PTPN11: variants seen among roughly 807,000 people sequenced by gnomAD.
The protein encoded by PTPN11 is tyrosine-protein phosphatase non-receptor type 11.
PTPN11 carries 6 observed loss-of-function variants against 78.8 expected under a neutral mutation model. The ratio of observed to expected loss-of-function variants is 0.08; its 90% CI spans 0.04 to 0.15. The LOEUF is 0.15. PTPN11 is among the 10% of genes least tolerant of loss of function. PTPN11 has a pLI of 1.00. For missense variants in PTPN11, 386 were observed against 744.8 expected (o/e 0.52, Z 5.61); for synonymous variants, 221 against 263.5 (o/e 0.84, Z 1.56).
intron 1 of PTPN11, among the ~76,000 whole-genome samples, chr12:112,432,305 A>G (rs933121179): frequency 6.6e-6 from 1 of 152,190 alleles, no homozygotes; most frequent in Non-Finnish European, 1.5e-5. Context: ...AAAAAATTAT[A>G]TATAGTCATT....
At chr12:112,434,799 T>G (rs1301886922) in intron 1 of PTPN11, among the ~76,000 whole-genome samples, 1 of 152,058 alleles carries the variant, frequency 6.6e-6, no homozygotes, top group Non-Finnish European at 1.5e-5. Context: ...TTTGTTTGTT[T>G]TTTTTGAGAC....
chr12:112,444,679 A>G (rs74374761), intron 1 of PTPN11, among the ~76,000 whole-genome samples: 1 of 152,178 alleles, frequency 6.6e-6, no homozygotes, highest in Non-Finnish European at 1.5e-5. Flanking sequence ...AGTTAAAAAA[A>G]TAGGAAACTA....
intron 12 of PTPN11, 125 bp from the exon 13 acceptor site, chr12:112,488,899 C>A: frequency 7.4e-7 from 1 of 1,344,330 alleles, no homozygotes; most frequent in Admixed American, 1.9e-5. Context: ...GCCATTGCAA[C>A]ATGCTCAGTT....
chr12:112,425,358 T>C (rs1359385585), intron 1 of PTPN11, among the ~76,000 whole-genome samples: 1 of 152,150 alleles, frequency 6.6e-6, no homozygotes, highest in East Asian at 1.9e-4. Flanking sequence ...TTGATGCCTT[T>C]TTTTTCAGCA....
chr12:112,452,975 CATT>C (rs981551011), intron 3 of PTPN11, among the ~76,000 whole-genome samples: 3 of 152,078 alleles, frequency 2.0e-5, no homozygotes, highest in Non-Finnish European at 4.4e-5. Flanking sequence ...ACTGTGGACT[CATT>C]TAAGAAGTTT....
chr12:112,448,600 A>C (rs1424836889), intron 2 of PTPN11, among the ~76,000 whole-genome samples: 4 of 152,130 alleles, frequency 2.6e-5, no homozygotes, highest in Admixed American at 6.6e-5. Context: ...TAGAACATTA[A>C]ATATATTTCT....
intron 10 of PTPN11, among the ~76,000 whole-genome samples, chr12:112,484,863 G>A (rs1271863020): frequency 2.0e-5 from 3 of 150,976 alleles, no homozygotes; most frequent in African/African-American, 7.3e-5. Context: ...CTCCAGCCTT[G>A]GCAACAGAGT....
chr12:112,450,416 A>C lies in PTPN11; in HGVS notation c.236A>C (p.Gln79Pro). 1.9e-6 allele frequency: 3 copies of C among 1,613,916 alleles called. No homozygotes were observed. Among genetic ancestry groups the C allele is most frequent in the Non-Finnish European group, 2.5e-6 (3 of 1,179,802 alleles). ...TTTGCCACTTTGGCTGAGTTGGTCC[A>C]GTATTACATGGAACATCACGGGCAA... ...EKFATLAELV[Q>P]YYMEHHGQLK... Residue 79 changes from glutamine to proline, a missense_variant, in exon 3 of 16, where the codon CAG becomes CCG. Transcript: ENST00000351677.
chr12:112,471,255 A>G (rs2038410409), intron 6 of PTPN11, among the ~76,000 whole-genome samples: 1 of 152,086 alleles, frequency 6.6e-6, no homozygotes, highest in Admixed American at 6.6e-5. Context: ...GAGGGTAGCC[A>G]TTTTGGCATT....
At chr12:112,420,365 A>G (rs1379464501) in intron 1 of PTPN11, among the ~76,000 whole-genome samples, 1 of 148,716 alleles carries the variant, frequency 6.7e-6, no homozygotes, top group Non-Finnish European at 1.5e-5. Flanking sequence ...TTTTTTTTGG[A>G]GACGGAGGCT....
intron 1 of PTPN11, among the ~76,000 whole-genome samples, chr12:112,433,736 A>G (rs762626199): frequency 3.2e-4 from 49 of 152,334 alleles, no homozygotes; most frequent in Non-Finnish European, 6.5e-4. Context: ...GGATTGCTTG[A>G]AGCCAGGAGC....
At chr12:112,443,860 C>G (rs908261199) in intron 1 of PTPN11, among the ~76,000 whole-genome samples, 1 of 151,640 alleles carries the variant, frequency 6.6e-6, no homozygotes, top group Non-Finnish European at 1.5e-5. Flanking sequence ...CGCCATGTTG[C>G]CCAAGCTGGT....
chr12:112,432,433 A>G (rs1049215985), intron 1 of PTPN11, among the ~76,000 whole-genome samples: 3 of 152,106 alleles, frequency 2.0e-5, no homozygotes, highest in Non-Finnish European at 1.5e-5. Context: ...TGGGAGGCCG[A>G]GGTGGGTGGA....
intron 9 of PTPN11, among the ~76,000 whole-genome samples, 181 bp from the exon 10 acceptor site, chr12:112,481,893 C>T (rs993892440): frequency 1.3e-5 from 2 of 152,186 alleles, no homozygotes; most frequent in South Asian, 2.1e-4. Context: ...CCTGGTCCTC[C>T]GAATGCCTGC....
At chr12:112,432,742 G>A (rs2037732128) in intron 1 of PTPN11, among the ~76,000 whole-genome samples, 1 of 151,716 alleles carries the variant, frequency 6.6e-6, no homozygotes, top group Non-Finnish European at 1.5e-5. Context: ...TACTTTGGTA[G>A]GCCAAGGCAG....
chr12:112,427,871 C>T (rs1234239508), intron 1 of PTPN11, among the ~76,000 whole-genome samples: 1 of 152,080 alleles, frequency 6.6e-6, no homozygotes, highest in African/African-American at 2.4e-5. Flanking sequence ...TTGCCTCAGC[C>T]TCCCAAGTAA....
chr12:112,485,713 A>C (rs1264109027), intron 10 of PTPN11, among the ~76,000 whole-genome samples: 1 of 152,196 alleles, frequency 6.6e-6, no homozygotes, highest in East Asian at 1.9e-4. Context: ...TGGGTGGCTC[A>C]CGCCTGTAAT....
chr12:112,455,868 C>T (rs1177882624), intron 5 of PTPN11, 82 bp from the exon 6 acceptor site: 2 of 821,014 alleles, frequency 2.4e-6, no homozygotes, highest in Non-Finnish European at 4.1e-6. Context: ...TCAACATAGA[C>T]ATGTTTTTTT....
At chr12:112,455,112 G>T (rs900999394) in intron 5 of PTPN11, among the ~76,000 whole-genome samples, 1 of 151,688 alleles carries the variant, frequency 6.6e-6, no homozygotes, top group South Asian at 2.1e-4. Flanking sequence ...GAGCTACCAC[G>T]CCCGGCCCTA....
Sources: allele counts gnomAD v4.1 joint callset (sites outside exome capture counted in the v4.1 genomes callset), GRCh38; gene constraint gnomAD v4.1.1; transcripts MANE v1.5; gene names NCBI Gene and HGNC (gene_info 2026-07-23, HGNC 2026-07-21).